The following RAB21 variants were observed in gnomAD, a reference collection of about 807,000 sequenced individuals.
RAB21 encodes ras-related protein Rab-21.
RAB21 carries 13 observed loss-of-function variants against 33.1 expected under a neutral mutation model. The ratio of observed to expected loss-of-function variants is 0.39; its 90% CI spans 0.26 to 0.62. The LOEUF (loss-of-function observed/expected upper bound fraction) is 0.62. Ranked by LOEUF, RAB21 falls within the 20% of genes least tolerant of loss-of-function variation. RAB21 has a pLI of 0.48. For missense variants in RAB21, 234 were observed against 279.1 expected, an observed-to-expected ratio of 0.84 and a Z score of 1.15; for synonymous variants, 91 against 103.7, an observed-to-expected ratio of 0.88 and a Z score of 0.74.
At chr12:71,757,142 C>T (rs1253990770) in intron 1 of RAB21, among the ~76,000 whole-genome samples, 1 of 152,082 alleles carries the variant, frequency 6.6e-6, no homozygotes, top group African/African-American at 2.4e-5. Flanking sequence ...TAACTTGAGT[C>T]TTGCCCTGTC....
At chr12:71,755,415 G>C in intron 1 of RAB21, 127 bp downstream of exon 1, 1 of 1,176,404 alleles carries the variant, frequency 8.5e-7, no homozygotes, top group South Asian at 1.8e-5. Flanking sequence ...TCCGCCTTCG[G>C]TTTACCTTTC....
intron 4 of RAB21, among the ~76,000 whole-genome samples, chr12:71,775,921 CT>C (rs947191533): frequency 2.0e-4 from 31 of 152,040 alleles, no homozygotes; most frequent in Non-Finnish European, 3.7e-4. Context: ...AGGGGCAAGT[CT>C]TGGGGGAAAA....
At position 71,786,353 on chromosome 12, in the gene RAB21, T is replaced by C. The variant is rs990123069; in HGVS notation, c.*680T>C. 5.2e-5 allele frequency: 8 copies of C among 152,780 alleles called. No homozygotes were observed. Among genetic ancestry groups the C allele is most frequent in the African/African-American group, 1.9e-4 (8 of 41,580 alleles). The allele number at this position is 152,780 out of a possible 1,614,324, so 9.5% of individuals were successfully genotyped here. A position where few individuals can be genotyped will look rare whatever the true frequency, so the allele number is the denominator to read the frequency against. The stretch of plus-strand genomic sequence containing the variant: ...TAATAACTTATATATGTTGTTGGAA[T>C]GGTTACATTTTTGCAGCCCTTTGTA... On this transcript the variant is annotated 3_prime_UTR_variant, in exon 7 of 7. Coordinates refer to ENST00000261263, the MANE Select transcript of RAB21 (RefSeq NM_014999.4).
intron 1 of RAB21, among the ~76,000 whole-genome samples, chr12:71,757,868 C>T (rs1462456607): frequency 6.6e-6 from 1 of 151,846 alleles, no homozygotes; most frequent in African/African-American, 2.4e-5. Flanking sequence ...GCAGGATTGA[C>T]AGGAATTTAA....
At chr12:71,770,044 G>A (rs765578578) in intron 2 of RAB21, among the ~76,000 whole-genome samples, 185 bp downstream of exon 2, 3 of 151,792 alleles carry the variant, frequency 2.0e-5, no homozygotes, top group Non-Finnish European at 2.9e-5. Context: ...CTTTTCAGTT[G>A]GAGAAGGGTC....
chr12:71,778,826 A>C (rs556844429), intron 4 of RAB21, among the ~76,000 whole-genome samples: 1 of 152,300 alleles, frequency 6.6e-6, no homozygotes, highest in Non-Finnish European at 1.5e-5. Context: ...AGTTAGCTAG[A>C]TGAAGCCAGT....
Position 71,791,908 on chromosome 12 carries a change from A to T in RAB21, c.*6235A>T, listed in dbSNP as rs1410828855. 6.6e-6 allele frequency: 1 copy of T among 152,178 alleles called. No individual in the cohort carries two copies. Among genetic ancestry groups the T allele is most frequent in the Non-Finnish European group, 1.5e-5 (1 of 68,050 alleles). The allele number at this position is 152,178 out of a possible 1,614,324, so 9.4% of individuals were successfully genotyped here. On this transcript the variant is annotated 3_prime_UTR_variant, in exon 7 of 7. Transcript: ENST00000261263. ...GAGACAGGGTCTTGCTTTGCCGCAC[A>T]GACTAGAATGCAGTAGCATGATCAT...
In RAB21 at chr12:71,785,602, C is replaced by T. The variant is rs779631966; in HGVS notation, c.607C>T (p.Arg203Ter). Residue 203 changes from arginine to a stop codon, truncating the protein, a stop_gained, in exon 7 of 7, where the codon CGA becomes TGA. Coordinates refer to ENST00000261263, the MANE Select transcript of RAB21 (RefSeq NM_014999.4). LOFTEE classifies it high-confidence loss of function. ...CTCTAGTCAGCCGGGAACTGCAAGG[C>T]GAGGTGTACAGATTATTGATGATGA... ...NGSSQPGTARRGVQIIDDEPQ... is the reference protein window; with the variant it reads ...NGSSQPGTAR 1.9e-6 allele frequency: 3 copies of T among 1,614,160 alleles called. No individual in the cohort carries two copies. Among genetic ancestry groups the T allele is most frequent in the Non-Finnish European group, 2.5e-6 (3 of 1,180,030 alleles).
intron 6 of RAB21, 100 bp from the exon 7 acceptor site, chr12:71,785,431 C>A: frequency 1.5e-6 from 2 of 1,361,242 alleles, no homozygotes; most frequent in Non-Finnish European, 2.0e-6. Context: ...CTTTGTTGGT[C>A]GAAAGTCAGA....
At chr12:71,764,872 G>A (rs941641756) in intron 1 of RAB21, among the ~76,000 whole-genome samples, 1 of 152,132 alleles carries the variant, frequency 6.6e-6, no homozygotes, top group Non-Finnish European at 1.5e-5. Flanking sequence ...GGACACTCAG[G>A]TTGGCTCCAT....
At chr12:71,772,113 A>G (rs1276122885) in intron 3 of RAB21, among the ~76,000 whole-genome samples, 1 of 152,228 alleles carries the variant, frequency 6.6e-6, no homozygotes, top group South Asian at 2.1e-4. Flanking sequence ...AGGCAGGTCC[A>G]CTGCTCTTTG....
intron 4 of RAB21, among the ~76,000 whole-genome samples, chr12:71,777,336 A>G (rs574406951): frequency 1.3e-5 from 2 of 152,082 alleles, no homozygotes; most frequent in Admixed American, 1.3e-4. Context: ...TTGACTTTAC[A>G]TTATGTGCCT....
chr12:71,800,109 A>G lies in RAB21; in HGVS notation c.*14436A>G, dbSNP rs1883519543. On this transcript the variant is annotated 3_prime_UTR_variant, in exon 7 of 7. Coordinates refer to ENST00000261263, the MANE Select transcript of RAB21 (RefSeq NM_014999.4). ...AAAAAAAATTAATTGCACATGAAGT[A>G]TACAAGTTCGATCTGTGAAACCACC... The G allele has an allele frequency of 1.3e-5, 2 of 152,026 alleles. No homozygotes were observed. Among genetic ancestry groups the G allele is most frequent in the African/African-American group, 2.4e-5 (1 of 41,458 alleles). The allele number at this position is 152,026 out of a possible 1,614,324, so 9.4% of individuals were successfully genotyped here. A position where few individuals can be genotyped will look rare whatever the true frequency, so the allele number is the denominator to read the frequency against.
rs893293475 is a variant in RAB21 at position 71,786,541 on chromosome 12, C to T, written c.*868C>T. 2.0e-5 allele frequency: 3 copies of T among 152,592 alleles called. No homozygotes were observed. The highest frequency in any genetic ancestry group is 4.8e-5 in the African/African-American group (2 of 41,428). 9.5% of individuals were successfully genotyped at this position (152,592 alleles called of 1,614,324 possible). A position where few individuals can be genotyped will look rare whatever the true frequency, so the allele number is the denominator to read the frequency against. The stretch of plus-strand genomic sequence containing the variant: ...TCCTGTATGCTGAGCTGGTAAAATA[C>T]ATTGTAAATTACATATTAAATATTT... On this transcript the variant is annotated 3_prime_UTR_variant, in exon 7 of 7. Transcript: ENST00000261263.
At chr12:71,778,576 G>A (rs962492106) in intron 4 of RAB21, among the ~76,000 whole-genome samples, 7 of 152,162 alleles carry the variant, frequency 4.6e-5, no homozygotes, top group African/African-American at 1.4e-4. Context: ...TGCTTACTAT[G>A]TGCCAGGCTT....
intron 6 of RAB21, among the ~76,000 whole-genome samples, chr12:71,785,311 C>G (rs893629223): frequency 2.6e-5 from 4 of 152,008 alleles, no homozygotes; most frequent in Admixed American, 2.6e-4. Context: ...GCCATTATAC[C>G]ACTGGATAAA....
rs1455111749 is a variant in RAB21, at chr12:71,799,123, C to T, written c.*13450C>T. On this transcript the variant is annotated 3_prime_UTR_variant, in exon 7 of 7. Transcript: ENST00000261263. ...CAGCTTCTTAATCTGACATTCCAACCCCTAGATTGTGGTGTTACATCTTCT... is the reference window on the plus strand; with the variant it reads ...CAGCTTCTTAATCTGACATTCCAACTCCTAGATTGTGGTGTTACATCTTCT... The T allele has an allele frequency of 6.6e-6, 1 of 152,306 alleles. No homozygotes were observed. The highest frequency in any genetic ancestry group is 2.4e-5 in the African/African-American group (1 of 41,440). 9.4% of individuals were successfully genotyped at this position (152,306 alleles called of 1,614,324 possible). A position where few individuals can be genotyped will look rare whatever the true frequency, so the allele number is the denominator to read the frequency against.
rs1883451055 is a variant in RAB21, at chr12:71,795,115, C to T, written c.*9442C>T. Reference sequence around the variant, plus strand: ...TTCAATGATGATTAAGACCACTAGTCTGGCAAGTGACTTTTATTTGTCCTT... The same window carrying T: ...TTCAATGATGATTAAGACCACTAGTTTGGCAAGTGACTTTTATTTGTCCTT... On this transcript the variant is annotated 3_prime_UTR_variant, in exon 7 of 7. Transcript: ENST00000261263. 6.6e-6 allele frequency: 1 copy of T among 152,064 alleles called. No individual in the cohort carries two copies. Among genetic ancestry groups the T allele is most frequent in the African/African-American group, 2.4e-5 (1 of 41,394 alleles). 9.4% of individuals were successfully genotyped at this position (152,064 alleles called of 1,614,324 possible).
Position 71,798,815 on chromosome 12 carries a change from A to T in RAB21, c.*13142A>T, listed in dbSNP as rs1883499917. The T allele has an allele frequency of 6.6e-6, 1 of 152,222 alleles. No individual in the cohort carries two copies. The highest frequency in any genetic ancestry group is 6.5e-5 in the Admixed American group (1 of 15,278). 9.4% of individuals were successfully genotyped at this position (152,222 alleles called of 1,614,324 possible). A position where few individuals can be genotyped will look rare whatever the true frequency, so the allele number is the denominator to read the frequency against. On this transcript the variant is annotated 3_prime_UTR_variant, in exon 7 of 7. Coordinates refer to ENST00000261263, the MANE Select transcript of RAB21 (RefSeq NM_014999.4). ...GGAACAACCGCTAAGGATGACAGTG[A>T]ATTCTGAATTTATTTACCCAATGTA... is the stretch of plus-strand genomic sequence containing the variant.
Sources: allele counts gnomAD v4.1 joint callset (sites outside exome capture counted in the v4.1 genomes callset), GRCh38; gene constraint gnomAD v4.1.1; transcripts MANE v1.5; gene names NCBI Gene and HGNC (gene_info 2026-07-23, HGNC 2026-07-21).